Variants in DGKI observed in about 807,000 individuals in gnomAD.
DGKI encodes diacylglycerol kinase iota.
In DGKI, 55 loss-of-function variants were observed where a neutral mutation model predicts 147.5. The observed-to-expected ratio is 0.37, with a 90% CI of 0.30 to 0.47. The LOEUF (loss-of-function observed/expected upper bound fraction) is 0.47, where lower values mean the gene tolerates loss of function less well. Among genes scored for constraint, DGKI ranks in the 20% least tolerant of loss-of-function variants. DGKI has a pLI of 1.00. For missense variants in DGKI, 1,007 were observed against 1,323.8 expected (o/e 0.76, Z 3.71); for synonymous variants, 469 against 477.1 (o/e 0.98, Z 0.22).
chr7:137,461,341 GAAGATC>G (rs1196487043), intron 27 of DGKI, among the ~76,000 whole-genome samples: 1 of 152,164 alleles, frequency 6.6e-6, no homozygotes, highest in Non-Finnish European at 1.5e-5. Context: ...ATTGTTGAAT[GAAGATC>G]ATTTAATTAT....
intron 1 of DGKI, among the ~76,000 whole-genome samples, chr7:137,773,473 G>A (rs1796272558): frequency 6.6e-6 from 1 of 152,164 alleles, no homozygotes; most frequent in Non-Finnish European, 1.5e-5. Flanking sequence ...GACTCTGAGG[G>A]ACCCTCTTCT....
chr7:137,518,831 C>T (rs1439966938), intron 21 of DGKI, among the ~76,000 whole-genome samples: 1 of 152,040 alleles, frequency 6.6e-6, no homozygotes, highest in African/African-American at 2.4e-5. Context: ...AAAAACAGAT[C>T]ATCCTTTGCC....
At chr7:137,734,600 T>G (rs1794971507) in intron 1 of DGKI, among the ~76,000 whole-genome samples, 1 of 151,970 alleles carries the variant, frequency 6.6e-6, no homozygotes, top group Non-Finnish European at 1.5e-5. Flanking sequence ...AGCAGATTCT[T>G]CAAACCCAGG....
chr7:137,652,279 G>A (rs1822055704), intron 5 of DGKI, among the ~76,000 whole-genome samples: 1 of 152,226 alleles, frequency 6.6e-6, no homozygotes, highest in African/African-American at 2.4e-5. Context: ...TCTAGCTTCA[G>A]AGAAGTGGTA....
chr7:137,835,406 T>C (rs1345832401), intron 1 of DGKI, among the ~76,000 whole-genome samples: 1 of 152,140 alleles, frequency 6.6e-6, no homozygotes, highest in Admixed American at 6.5e-5. Context: ...CCCCTAAAAA[T>C]CACTGAGCTA....
intron 3 of DGKI, among the ~76,000 whole-genome samples, chr7:137,660,213 G>A (rs1412747855): frequency 6.6e-6 from 1 of 152,100 alleles, no homozygotes; most frequent in Non-Finnish European, 1.5e-5. Context: ...GTAGGTGTGT[G>A]GTACGGGGTG....
chr7:137,462,958 A>G (rs1814506865), intron 27 of DGKI, among the ~76,000 whole-genome samples: 2 of 151,400 alleles, frequency 1.3e-5, no homozygotes, highest in Admixed American at 6.6e-5. Context: ...ATCTACAAAC[A>G]AATGCTGTAC....
At chr7:137,596,001 C>CAAAAAAAAAAAAAAA (rs71177914) in intron 12 of DGKI, among the ~76,000 whole-genome samples, 19 of 44,364 alleles carry the variant, frequency 4.3e-4, no homozygotes, top group Middle Eastern at 0.042. Context: ...GACTCCGTCT[C>CAAAAAAAAAAAAAAA]AAAAAAAAAA....
Position 137,388,697 on chromosome 7 carries a change from T to C in DGKI, c.*2523A>G, listed in dbSNP as rs1241829969. On this transcript the variant is annotated 3_prime_UTR_variant, in exon 33 of 33. Transcript: ENST00000614521. ...AATGTTGAAGCCATTAAACATGTGG[T>C]TATTCTGCTCACTTTATTTTGGAAA... 6.6e-6 allele frequency: 1 copy of C among 152,168 alleles called. No individual in the cohort carries two copies. The highest frequency in any genetic ancestry group is 2.4e-5 in the African/African-American group (1 of 41,456). 9.4% of individuals were successfully genotyped at this position (152,168 alleles called of 1,614,324 possible). A position where few individuals can be genotyped will look rare whatever the true frequency, so the allele number is the denominator to read the frequency against.
At position 137,534,796 on chromosome 7, in the gene DGKI, C is replaced by G. The variant is rs143120571; in HGVS notation, c.2148-12830G>C. 5.3e-3 allele frequency among the ~76,000 whole-genome samples: 807 copies of G among 152,120 alleles called. 13 individuals carry two copies. The highest frequency in any genetic ancestry group is 0.019 in the African/African-American group (774 of 41,506). On this transcript the variant is annotated intron_variant, in intron 20 of 32. Transcript: ENST00000614521. ...TGTTATGTACTAAGTTATCTGTCCC[C>G]CAAATTGGTAAGTTGAAGTTCTAAC...
intron 1 of DGKI, among the ~76,000 whole-genome samples, chr7:137,696,890 CTG>C (rs1385645768): frequency 6.6e-6 from 1 of 152,072 alleles, no homozygotes; most frequent in Non-Finnish European, 1.5e-5. Context: ...CCTAATATGA[CTG>C]TGTCTTTATA....
intron 17 of DGKI, among the ~76,000 whole-genome samples, chr7:137,574,869 T>C (rs1342610871): frequency 6.6e-6 from 1 of 152,240 alleles, no homozygotes; most frequent in Non-Finnish European, 1.5e-5. Flanking sequence ...ATACATATTT[T>C]ATATCTCTAT....
intron 28 of DGKI, among the ~76,000 whole-genome samples, chr7:137,419,435 T>G (rs1013083294): frequency 2.0e-5 from 3 of 152,246 alleles, no homozygotes; most frequent in African/African-American, 7.2e-5. Flanking sequence ...TATTTCTGCA[T>G]AGCCTTTGCT....
At chr7:137,650,327 T>C (rs1048482615) in intron 5 of DGKI, among the ~76,000 whole-genome samples, 1 of 152,196 alleles carries the variant, frequency 6.6e-6, no homozygotes. Flanking sequence ...AAGGGAGATA[T>C]TCTTTAGACA....
Position 137,459,632 on chromosome 7 carries a change from G to A in DGKI, c.2735+3857C>T, listed in dbSNP as rs553823989. On this transcript the variant is annotated intron_variant, in intron 27 of 32. Coordinates refer to ENST00000614521, the MANE Select transcript of DGKI (RefSeq NM_001321708.2). ...TGGGACTACGGGCGCCCGCCACCAC[G>A]CCCGGCTAATTTTTTGTATTTTTAG... Among the ~76,000 whole-genome samples the A allele has an allele frequency of 9.7e-3, 1,471 of 151,594 alleles. 24 individuals are homozygous for A. The highest frequency in any genetic ancestry group is 0.034 in the African/African-American group (1,391 of 41,364).
intron 28 of DGKI, among the ~76,000 whole-genome samples, chr7:137,415,510 A>G (rs1387730866): frequency 6.6e-6 from 1 of 152,162 alleles, no homozygotes; most frequent in Non-Finnish European, 1.5e-5. Flanking sequence ...GATACTGAGT[A>G]ACAGCTGTAT....
chr7:137,396,765 GT>G (rs1259534619), intron 31 of DGKI, among the ~76,000 whole-genome samples: 1 of 152,162 alleles, frequency 6.6e-6, no homozygotes, highest in Non-Finnish European at 1.5e-5. Flanking sequence ...CTTTGTTCCT[GT>G]TTGGGGAGCA....
At chr7:137,666,485 G>T (rs1822646253) in intron 3 of DGKI, among the ~76,000 whole-genome samples, 1 of 152,184 alleles carries the variant, frequency 6.6e-6, no homozygotes, top group African/African-American at 2.4e-5. Context: ...AATTCATTTG[G>T]GTGACTATCG....
intron 1 of DGKI, among the ~76,000 whole-genome samples, chr7:137,746,447 G>A (rs1049048849): frequency 2.0e-5 from 3 of 152,170 alleles, no homozygotes; most frequent in South Asian, 2.1e-4. Flanking sequence ...GTCAAGCGTC[G>A]CATTACATAT....
Sources: allele counts gnomAD v4.1 joint callset (sites outside exome capture counted in the v4.1 genomes callset), GRCh38; gene constraint gnomAD v4.1.1; transcripts MANE v1.5; gene names NCBI Gene and HGNC (gene_info 2026-07-23, HGNC 2026-07-21).